NFASC: variants seen among roughly 807,000 people sequenced by gnomAD.
NFASC encodes the protein neurofascin, also known as neurofascin homolog.
Under a neutral mutation model 147.5 loss-of-function variants are expected in NFASC, and 43 were observed. The ratio of observed to expected loss-of-function variants is 0.29; its 90% CI spans 0.23 to 0.38. The LOEUF is 0.38. Among genes scored for constraint, NFASC ranks in the 10% least tolerant of loss-of-function variants. The pLI is 1.00. For missense variants in NFASC, 1,320 were observed against 1,689.0 expected (o/e 0.78, Z 3.83); for synonymous variants, 622 against 665.5 (o/e 0.93, Z 1.01).
chr1:204,880,695 G>A (rs915180276), intron 1 of NFASC, among the ~76,000 whole-genome samples: 5 of 152,166 alleles, frequency 3.3e-5, no homozygotes, highest in African/African-American at 1.2e-4. Flanking sequence ...CTGGTTCAGA[G>A]GTAGGGGAAT....
At chr1:204,938,730 A>G (rs1170435281) in intron 2 of NFASC, among the ~76,000 whole-genome samples, 1 of 152,254 alleles carries the variant, frequency 6.6e-6, no homozygotes, top group Non-Finnish European at 1.5e-5. Context: ...GCAGATTTAA[A>G]GGCCTTGTGT....
intron 1 of NFASC, among the ~76,000 whole-genome samples, chr1:204,865,878 T>G (rs2077064701): frequency 6.6e-6 from 1 of 152,224 alleles, no homozygotes; most frequent in Admixed American, 6.5e-5. Flanking sequence ...TGTTCAGCCT[T>G]AGTACACACC....
At chr1:204,867,295 A>G (rs1171509714) in intron 1 of NFASC, among the ~76,000 whole-genome samples, 1 of 152,076 alleles carries the variant, frequency 6.6e-6, no homozygotes, top group Non-Finnish European at 1.5e-5. Flanking sequence ...TACAATACCC[A>G]TATCCAGATA....
At chr1:204,982,052 G>A in intron 21 of NFASC, 32 bp downstream of exon 21, 1 of 1,438,862 alleles carries the variant, frequency 6.9e-7, no homozygotes, top group Non-Finnish European at 9.3e-7. Context: ...CCCCCATCAG[G>A]ACCCTTGTGG....
rs1215812400 is a variant in NFASC at position 205,010,942 on chromosome 1, C to T, written c.3421+1254C>T. On this transcript the variant is annotated intron_variant, in intron 28 of 29. Coordinates refer to ENST00000339876, the MANE Select transcript of NFASC (RefSeq NM_001005388.3). The surrounding 1 kb of genome is among the most constrained non-coding windows in gnomAD (Gnocchi z 4.1). Reference sequence around the variant, plus strand: ...AAAAAAAAAGATCCTGCAGCCCAGACATAACCAAGGTCAAGGATAAGGACC... The same window carrying T: ...AAAAAAAAAGATCCTGCAGCCCAGATATAACCAAGGTCAAGGATAAGGACC... 1 of 151,478 alleles carries T rather than the reference C, an allele frequency of 6.6e-6. No individual in the cohort carries two copies. The highest frequency in any genetic ancestry group is 1.9e-4 in the East Asian group (1 of 5,176). The allele number at this position is 151,478 out of a possible 1,614,324, so 9.4% of individuals were successfully genotyped here.
intron 21 of NFASC, chr1:204,984,141 G>A (rs763954143): frequency 2.0e-5 from 32 of 1,609,740 alleles, no homozygotes; most frequent in South Asian, 1.3e-4. Flanking sequence ...AGAGAGTACC[G>A]AGTGAGGAAG....
chr1:204,892,374 A>G (rs550754146), intron 1 of NFASC, among the ~76,000 whole-genome samples: 1 of 152,250 alleles, frequency 6.6e-6, no homozygotes, highest in Non-Finnish European at 1.5e-5. Flanking sequence ...TGTATTCACA[A>G]TCTATGAGTC....
chr1:204,910,572 C>G (rs560804227), intron 1 of NFASC, among the ~76,000 whole-genome samples: 34 of 152,178 alleles, frequency 2.2e-4, no homozygotes, highest in Middle Eastern at 3.4e-3. Flanking sequence ...CCACCCCAGA[C>G]TCCTGAGTAG....
chr1:204,903,281 G>C (rs528919991), intron 1 of NFASC, among the ~76,000 whole-genome samples: 4 of 152,270 alleles, frequency 2.6e-5, no homozygotes, highest in African/African-American at 7.2e-5. Context: ...CAAAGTGAAG[G>C]GTGCTCATCT....
At chr1:204,946,744 C>A (rs528421750) in intron 3 of NFASC, 37 of 519,048 alleles carry the variant, frequency 7.1e-5, no homozygotes, top group African/African-American at 6.9e-4. Context: ...CCTGGCCTTC[C>A]TCTGCAAGTG....
intron 1 of NFASC, among the ~76,000 whole-genome samples, chr1:204,911,967 A>G (rs377728440): frequency 3.3e-5 from 5 of 152,288 alleles, no homozygotes; most frequent in African/African-American, 9.6e-5. Flanking sequence ...TGCAGGGGCT[A>G]CAGTGGCATC....
chr1:204,868,205 C>T lies in NFASC; in HGVS notation c.-200+39423C>T, dbSNP rs552933701. Among the ~76,000 whole-genome samples, 7 of 152,324 alleles carry T rather than the reference C, an allele frequency of 4.6e-5. No individual in the cohort carries two copies. In the South Asian group the frequency reaches 1.2e-3, roughly 27 times the overall value. On this transcript the variant is annotated intron_variant, in intron 1 of 29. Coordinates refer to ENST00000339876, the MANE Select transcript of NFASC (RefSeq NM_001005388.3). ...TCTGGCCTGCTCAGTCCACCCTGTC[C>T]CCAAGTCCCTGTGGGCTGCACTTGG...
intron 1 of NFASC, among the ~76,000 whole-genome samples, chr1:204,831,368 T>A (rs1433530889): frequency 6.7e-6 from 1 of 148,640 alleles, no homozygotes; most frequent in Non-Finnish European, 1.5e-5. Flanking sequence ...TCACAAGGGC[T>A]GGTTCTTTTA....
chr1:205,019,730 G>C lies in NFASC; in HGVS notation c.*3191G>C, dbSNP rs2096387407. ...GAGCTTGGTCCATCTGGTCACCAAG[G>C]CTGGGCGGGACAGAGCAGTCAAGAA... On this transcript the variant is annotated 3_prime_UTR_variant, in exon 30 of 30. Coordinates refer to ENST00000339876, the MANE Select transcript of NFASC (RefSeq NM_001005388.3). 6.6e-6 allele frequency: 1 copy of C among 152,262 alleles called. No homozygotes were observed. Among genetic ancestry groups the C allele is most frequent in the Non-Finnish European group, 1.5e-5 (1 of 68,078 alleles). 9.4% of individuals were successfully genotyped at this position (152,262 alleles called of 1,614,324 possible). A position where few individuals can be genotyped will look rare whatever the true frequency, so the allele number is the denominator to read the frequency against.
intron 1 of NFASC, among the ~76,000 whole-genome samples, chr1:204,840,724 C>T (rs925042425): frequency 1.1e-4 from 16 of 152,326 alleles, no homozygotes; most frequent in African/African-American, 3.4e-4. Context: ...TAGCTCTACT[C>T]TTGGAATAGT....
At chr1:204,925,152 G>A (rs1220851231) in intron 2 of NFASC, among the ~76,000 whole-genome samples, 2 of 152,222 alleles carry the variant, frequency 1.3e-5, no homozygotes, top group East Asian at 1.9e-4. Context: ...GGGATTACAG[G>A]CGAAGAAAGG....
intron 25 of NFASC, chr1:204,999,380 A>G (rs1226124869): frequency 1.3e-5 from 2 of 152,118 alleles, no homozygotes; most frequent in Non-Finnish European, 2.9e-5. Flanking sequence ...CATTGCCTTT[A>G]AAACAGCCAG....
At chr1:204,844,827 G>A (rs1387012542) in intron 1 of NFASC, among the ~76,000 whole-genome samples, 1 of 152,156 alleles carries the variant, frequency 6.6e-6, no homozygotes, top group Admixed American at 6.5e-5. Context: ...ATTCTGGGTG[G>A]GAGAGTTTAT....
chr1:204,882,568 C>T (rs113326203), intron 1 of NFASC, among the ~76,000 whole-genome samples: 26 of 152,228 alleles, frequency 1.7e-4, no homozygotes, highest in African/African-American at 2.9e-4. Context: ...CCTGCACTTA[C>T]GTCTCTGTTT....
Sources: gnomAD v4.1 joint callset for allele counts (sites outside exome capture counted in the v4.1 genomes callset) on GRCh38, gnomAD v4.1.1 for gene constraint, Gnocchi (gnomAD v3.1) non-coding constraint, MANE v1.5 for transcripts, NCBI Gene and HGNC (gene_info 2026-07-23, HGNC 2026-07-21) for gene names.